CLSTN2: variants seen among roughly 807,000 people sequenced by gnomAD.
CLSTN2 encodes calsyntenin 2.
A neutral mutation model predicts 101.2 loss-of-function variants in CLSTN2; 48 were observed. The observed-to-expected ratio is 0.47, with a 90% CI of 0.38 to 0.60. The LOEUF (loss-of-function observed/expected upper bound fraction) is 0.60, where lower values mean the gene tolerates loss of function less well. Ranked by LOEUF, CLSTN2 falls within the 20% of genes least tolerant of loss-of-function variation. CLSTN2 has a pLI of 0.00. For synonymous variants in CLSTN2, 481 were observed against 463.6 expected, an observed-to-expected ratio of 1.04 and a Z score of -0.48; for missense variants, 1,160 against 1,238.2, an observed-to-expected ratio of 0.94 and a Z score of 0.95.
In CLSTN2 at chr3:140,403,765, C is replaced by A; in HGVS notation, c.369C>A (p.Ile123=). 6.2e-7 allele frequency: 1 copy of A among 1,614,170 alleles called. No homozygotes were observed. The highest frequency in any genetic ancestry group is 8.5e-7 in the Non-Finnish European group (1 of 1,180,018). ...AGTTGCAGAAGGAGTACACATTCAT[C>A]ATCCAGGCCTATGACTGTGGTGCTG... The part of the protein sequence containing the change: ...DCELQKEYTF[I]IQAYDCGAGP... The change falls in exon 3 of 17, where the codon ATC becomes ATA. Residue 123 remains isoleucine, a synonymous_variant. Transcript: ENST00000458420.
At chr3:140,062,224 A>T (rs915501862) in intron 1 of CLSTN2, among the ~76,000 whole-genome samples, 4 of 152,132 alleles carry the variant, frequency 2.6e-5, no homozygotes, top group Non-Finnish European at 1.5e-5. Context: ...ACATGTGAAC[A>T]TCCTCTTCTG....
intron 1 of CLSTN2, among the ~76,000 whole-genome samples, chr3:140,126,801 G>T (rs961386627): frequency 2.0e-4 from 31 of 152,044 alleles, no homozygotes; most frequent in African/African-American, 7.0e-4. Context: ...TTGTGCCAGG[G>T]TCTAGGCTGG....
intron 2 of CLSTN2, among the ~76,000 whole-genome samples, chr3:140,211,398 T>TCACACA (rs59994883): frequency 0.065 from 7,347 of 113,412 alleles, 385 homozygotes; most frequent in African/African-American, 0.12. Flanking sequence ...GCTTGGTAAT[T>TCACACA]CACACACACA....
intron 8 of CLSTN2, among the ~76,000 whole-genome samples, chr3:140,495,946 G>T (rs763677506): frequency 6.6e-6 from 1 of 152,142 alleles, no homozygotes; most frequent in Non-Finnish European, 1.5e-5. Context: ...TGGCTATTCA[G>T]GCTCTTTTTT....
chr3:140,329,151 C>T (rs2087358530), intron 2 of CLSTN2, among the ~76,000 whole-genome samples: 1 of 152,130 alleles, frequency 6.6e-6, no homozygotes, highest in Admixed American at 6.5e-5. Flanking sequence ...CTTTGGGAAG[C>T]TGAGATGGGT....
intron 2 of CLSTN2, among the ~76,000 whole-genome samples, chr3:140,287,106 T>C (rs2086901963): frequency 6.6e-6 from 1 of 152,174 alleles, no homozygotes; most frequent in African/African-American, 2.4e-5. Context: ...ATAAGATCTA[T>C]CTAGCTTCCT....
At chr3:140,433,089 AAAG>A (rs1391580985) in intron 5 of CLSTN2, among the ~76,000 whole-genome samples, 1 of 152,224 alleles carries the variant, frequency 6.6e-6, no homozygotes, top group Non-Finnish European at 1.5e-5. Context: ...ATCTCAAAGG[AAAG>A]AAGAACACTG....
At chr3:140,538,413 T>G (rs1935401515) in intron 9 of CLSTN2, among the ~76,000 whole-genome samples, 1 of 152,220 alleles carries the variant, frequency 6.6e-6, no homozygotes. Context: ...ATCCTCACTG[T>G]GGCTTTTGGG....
At chr3:140,254,747 A>G (rs767676902) in intron 2 of CLSTN2, among the ~76,000 whole-genome samples, 6 of 152,188 alleles carry the variant, frequency 3.9e-5, no homozygotes, top group Non-Finnish European at 8.8e-5. Context: ...CCTAGGAAAT[A>G]CCATTTAGGA....
chr3:140,362,902 A>G (rs2107951149), intron 2 of CLSTN2, among the ~76,000 whole-genome samples: 1 of 152,284 alleles, frequency 6.6e-6, no homozygotes, highest in African/African-American at 2.4e-5. Flanking sequence ...TCATGCCACC[A>G]CTTTAGGAAA....
chr3:140,485,386 T>C (rs1934216239), intron 8 of CLSTN2, among the ~76,000 whole-genome samples: 2 of 152,344 alleles, frequency 1.3e-5, no homozygotes, highest in South Asian at 2.1e-4. Context: ...GCCTCCCAGA[T>C]AGGCTACTTG....
At position 140,091,759 on chromosome 3, in the gene CLSTN2, T is replaced by C. The variant is rs147529504; in HGVS notation, c.110-84192T>C. 1.1e-3 allele frequency among the ~76,000 whole-genome samples: 168 copies of C among 152,304 alleles called. 1 individual carries two copies. Among genetic ancestry groups the C allele is most frequent in the African/African-American group, 3.8e-3 (160 of 41,566 alleles). On this transcript the variant is annotated intron_variant, in intron 1 of 16. Transcript: ENST00000458420. ...GAACAATATCCCATTAGGGATTTTGTTGATGATGTACTTAAAAGTTATATT... is the reference window on the plus strand; with the variant it reads ...GAACAATATCCCATTAGGGATTTTGCTGATGATGTACTTAAAAGTTATATT...
chr3:140,561,703 A>T (rs1037240802), intron 12 of CLSTN2, among the ~76,000 whole-genome samples: 1 of 152,164 alleles, frequency 6.6e-6, no homozygotes, highest in Non-Finnish European at 1.5e-5. Flanking sequence ...GGAGAAAGCT[A>T]TGAGAGCATG....
chr3:140,340,876 C>T (rs2087485132), intron 2 of CLSTN2, among the ~76,000 whole-genome samples: 1 of 152,190 alleles, frequency 6.6e-6, no homozygotes, highest in African/African-American at 2.4e-5. Context: ...TTGAAGTATA[C>T]TGGTCAGGTA....
chr3:140,246,257 A>G (rs548730156), intron 2 of CLSTN2, among the ~76,000 whole-genome samples: 1 of 152,328 alleles, frequency 6.6e-6, no homozygotes, highest in South Asian at 2.1e-4. Context: ...CAGGAGAGTC[A>G]TGAATTTTGA....
At chr3:140,135,382 T>A (rs1397147684) in intron 1 of CLSTN2, among the ~76,000 whole-genome samples, 1 of 152,028 alleles carries the variant, frequency 6.6e-6, no homozygotes, top group Non-Finnish European at 1.5e-5. Flanking sequence ...TCACACTTTT[T>A]CTCAGTGTAA....
chr3:140,482,890 C>T (rs1002026625), intron 8 of CLSTN2, among the ~76,000 whole-genome samples: 9 of 152,088 alleles, frequency 5.9e-5, no homozygotes, highest in African/African-American at 2.2e-4. Context: ...TTTCAAAAGA[C>T]CAGCTCCTGG....
chr3:140,491,593 G>A (rs572331837), intron 8 of CLSTN2, among the ~76,000 whole-genome samples: 6 of 152,318 alleles, frequency 3.9e-5, no homozygotes, highest in African/African-American at 9.6e-5. Flanking sequence ...AGGCCAAGGC[G>A]GGCAGATTGC....
At chr3:140,519,475 T>A (rs953274964) in intron 8 of CLSTN2, among the ~76,000 whole-genome samples, 7 of 152,240 alleles carry the variant, frequency 4.6e-5, no homozygotes, top group African/African-American at 1.2e-4. Context: ...TCTAAGTCTC[T>A]TTGTAGTCTC....
Sources: allele counts gnomAD v4.1 joint callset (sites outside exome capture counted in the v4.1 genomes callset), GRCh38; gene constraint gnomAD v4.1.1; transcripts MANE v1.5; gene names NCBI Gene and HGNC (gene_info 2026-07-23, HGNC 2026-07-21).